The following TBC1D31 variants were observed in gnomAD, a reference collection of about 807,000 sequenced individuals.
The protein encoded by TBC1D31 is WD repeat domain 67.
TBC1D31 carries 99 observed loss-of-function variants against 132.9 expected under a neutral mutation model. That is an observed-to-expected ratio of 0.74 (90% CI 0.63 to 0.88). The LOEUF is 0.88. Ranked by LOEUF, TBC1D31 falls within the 40% of genes least tolerant of loss-of-function variation. The probability of loss-of-function intolerance (pLI) is 0.00; values close to 1 mark genes in which losing one functional copy is unlikely to be tolerated. For missense variants in TBC1D31, 1,134 were observed against 1,256.6 expected, an observed-to-expected ratio of 0.90 and a Z score of 1.48; for synonymous variants, 385 against 419.4, an observed-to-expected ratio of 0.92 and a Z score of 1.00.
At chr8:123,102,280 G>C in intron 7 of TBC1D31, 1 of 456,552 alleles carries the variant, frequency 2.2e-6, no homozygotes, top group Non-Finnish European at 4.4e-6. Flanking sequence ...ATCACACAGC[G>C]AGTAACTAGC....
intron 10 of TBC1D31, among the ~76,000 whole-genome samples, chr8:123,111,412 A>G (rs1324579317): frequency 1.3e-5 from 2 of 152,134 alleles, no homozygotes; most frequent in African/African-American, 4.8e-5. Context: ...TTTTTTTTAA[A>G]CAGTTTTCAG....
intron 10 of TBC1D31, among the ~76,000 whole-genome samples, chr8:123,117,846 T>G: frequency 6.6e-6 from 1 of 151,894 alleles, no homozygotes; most frequent in Non-Finnish European, 1.5e-5. Flanking sequence ...AAGAATTCCT[T>G]GAGTGTGGAG....
chr8:123,093,723 A>G lies in TBC1D31; in HGVS notation c.652A>G (p.Lys218Glu), dbSNP rs1816575173. The G allele has an allele frequency of 6.3e-7, 1 of 1,595,432 alleles. No homozygotes were observed. Among genetic ancestry groups the G allele is most frequent in the Non-Finnish European group, 8.6e-7 (1 of 1,168,514 alleles). Reference protein sequence around the residue: ...APPESSSILYKVFAVTRDGRI... With the variant: ...APPESSSILYEVFAVTRDGRI... ...ACCTGAAAGCTCTAGTATATTATAC[A>G]AAGTGTTTGCTGTAACCAGGTAATG... Residue 218 changes from lysine to glutamate, a missense_variant, in exon 5 of 22, where the codon AAA (lysine) becomes GAA (glutamate). Lys to Glu is a moderately conservative substitution (Grantham distance 56). Coordinates refer to ENST00000287380, the MANE Select transcript of TBC1D31 (RefSeq NM_145647.4).
chr8:123,096,439 T>C (rs1478171593), intron 5 of TBC1D31, among the ~76,000 whole-genome samples: 1 of 152,238 alleles, frequency 6.6e-6, no homozygotes, highest in Non-Finnish European at 1.5e-5. Flanking sequence ...GATAGAATTC[T>C]TCCTCCAAGT....
At position 123,075,266 on chromosome 8, in the gene TBC1D31, G is replaced by A. The variant is rs1814381893; in HGVS notation, c.78-1845G>A. 2.0e-5 allele frequency among the ~76,000 whole-genome samples: 3 copies of A among 152,254 alleles called. No homozygotes were observed. In the South Asian group the frequency reaches 6.2e-4, roughly 32 times the overall value. On this transcript the variant is annotated intron_variant, in intron 1 of 21. Coordinates refer to ENST00000287380, the MANE Select transcript of TBC1D31 (RefSeq NM_145647.4). ...TTCCTTGGGGACTAGATAAAAATAA[G>A]CATTGTTAAGAATTTTGCTATTTCC... is the stretch of plus-strand genomic sequence containing the variant.
downstream of TBC1D31, among the ~76,000 whole-genome samples, chr8:123,154,201 T>C (rs913511057): frequency 1.3e-5 from 2 of 152,234 alleles, no homozygotes; most frequent in African/African-American, 4.8e-5. Flanking sequence ...ATGTTTAATC[T>C]CATTGTATCA....
chr8:123,130,901 C>T (rs940640392), intron 16 of TBC1D31, among the ~76,000 whole-genome samples: 9 of 151,418 alleles, frequency 5.9e-5, no homozygotes, highest in Admixed American at 3.3e-4. Context: ...GGGTTACAGG[C>T]GTGAGCCACC....
In TBC1D31 at chr8:123,128,263, C is replaced by T; in HGVS notation, c.1885-18C>T. On this transcript the variant is annotated intron_variant, in intron 13 of 21. Transcript: ENST00000287380. The stretch of plus-strand genomic sequence containing the variant: ...TTTGTCAGGTAAATCTCGATTTAAA[C>T]ACCAAGTTTTCTTACAGTTTTTTTT... The T allele has an allele frequency of 7.3e-7, 1 of 1,379,176 alleles. No individual in the cohort carries two copies. 85.4% of individuals were successfully genotyped at this position (1,379,176 alleles called of 1,614,324 possible). A position where few individuals can be genotyped will look rare whatever the true frequency, so the allele number is the denominator to read the frequency against.
intron 5 of TBC1D31, among the ~76,000 whole-genome samples, chr8:123,095,446 G>A (rs183029868): frequency 3.4e-4 from 52 of 152,274 alleles, no homozygotes; most frequent in Non-Finnish European, 1.8e-4. Flanking sequence ...CAGGATAAAT[G>A]CTTAATTTTC....
At position 123,077,028 on chromosome 8, in the gene TBC1D31, C is replaced by T. The variant is rs1225928823; in HGVS notation, c.78-83C>T. 10 of 1,330,832 alleles carry T rather than the reference C, an allele frequency of 7.5e-6. No homozygotes were observed. In the East Asian group the frequency reaches 1.5e-4, roughly 20 times the overall value. 82.4% of individuals were successfully genotyped at this position (1,330,832 alleles called of 1,614,324 possible). A position where few individuals can be genotyped will look rare whatever the true frequency, so the allele number is the denominator to read the frequency against. Reference sequence around the variant, plus strand: ...AGTAGGAGAGGGAAGAATGAACAGACGAAATGCTTTACTTGCCATATTTTT... The same window carrying T: ...AGTAGGAGAGGGAAGAATGAACAGATGAAATGCTTTACTTGCCATATTTTT... On this transcript the variant is annotated intron_variant, in intron 1 of 21. Coordinates refer to ENST00000287380, the MANE Select transcript of TBC1D31 (RefSeq NM_145647.4).
At chr8:123,099,189 G>T (rs191075878) in intron 6 of TBC1D31, among the ~76,000 whole-genome samples, 1 of 151,958 alleles carries the variant, frequency 6.6e-6, no homozygotes, top group South Asian at 2.1e-4. Context: ...GCATGATCTC[G>T]GCTCACTGCA....
intron 1 of TBC1D31, among the ~76,000 whole-genome samples, chr8:123,073,092 C>T (rs1248339083): frequency 6.6e-6 from 1 of 152,188 alleles, no homozygotes; most frequent in Non-Finnish European, 1.5e-5. Flanking sequence ...GTTCTCAGAC[C>T]TGGGAACTTG....
intron 10 of TBC1D31, among the ~76,000 whole-genome samples, chr8:123,119,792 C>T (rs1819297343): frequency 6.6e-6 from 1 of 152,126 alleles, no homozygotes; most frequent in Non-Finnish European, 1.5e-5. Context: ...TAAGGAAGTT[C>T]TGCATATACT....
intron 2 of TBC1D31, 143 bp downstream of exon 2, chr8:123,077,400 T>C (rs1586539758): frequency 1.3e-6 from 1 of 756,732 alleles, no homozygotes; most frequent in Non-Finnish European, 2.0e-6. Flanking sequence ...CTGTCATAAG[T>C]GCTAAAGGAC....
At chr8:123,085,433 T>TTTTG (rs149004610) in intron 4 of TBC1D31, among the ~76,000 whole-genome samples, 5,597 of 149,428 alleles carry the variant, frequency 0.037, 363 homozygotes, top group African/African-American at 0.13. Flanking sequence ...CTCAGCATAA[T>TTTTG]TTTGTTTGTT....
At chr8:123,150,311 G>C (rs1480040713) in intron 21 of TBC1D31, among the ~76,000 whole-genome samples, 183 bp downstream of exon 21, 1 of 152,178 alleles carries the variant, frequency 6.6e-6, no homozygotes, top group African/African-American at 2.4e-5. Flanking sequence ...ACTGGGTGCA[G>C]ACCAAATTCC....
intron 16 of TBC1D31, among the ~76,000 whole-genome samples, chr8:123,131,752 AAC>A (rs1297423451): frequency 7.1e-6 from 1 of 141,512 alleles, no homozygotes; most frequent in East Asian, 2.0e-4. Context: ...CTAAAAATGA[AAC>A]AGTTTCAGCT....
intron 2 of TBC1D31, among the ~76,000 whole-genome samples, chr8:123,078,128 G>C (rs1165753100): frequency 6.6e-6 from 1 of 152,196 alleles, no homozygotes; most frequent in Non-Finnish European, 1.5e-5. Flanking sequence ...AAAGCAATTA[G>C]GTGGGATTGA....
At position 123,140,819 on chromosome 8, in the gene TBC1D31, A is replaced by G. The variant is rs762061691; in HGVS notation, c.2558A>G (p.Tyr853Cys). The change falls in exon 18 of 22, where the codon TAT (tyrosine) becomes TGT (cysteine). Residue 853 changes from tyrosine (Y) to cysteine (C), a missense_variant. Tyr to Cys is a radical substitution (Grantham distance 194). Transcript: ENST00000287380. ...AKEMRADADA[Y>C]RRKVDLEEHM... ...GAAATGCGAGCAGATGCAGATGCCT[A>G]TAGACGAAAAGTGGATCTTGAAGAA... 10 of 1,613,552 alleles carry G rather than the reference A, an allele frequency of 6.2e-6. No homozygotes were observed. The East Asian group carries it at 1.3e-4, about 22-fold the overall frequency.
Sources: gnomAD v4.1 joint callset for allele counts (sites outside exome capture counted in the v4.1 genomes callset) on GRCh38, gnomAD v4.1.1 for gene constraint, MANE v1.5 for transcripts, NCBI Gene and HGNC (gene_info 2026-07-23, HGNC 2026-07-21) for gene names.